The following TXK variants were observed in gnomAD, a reference collection of about 807,000 sequenced individuals.
TXK encodes TXK tyrosine kinase.
TXK carries 60 observed loss-of-function variants against 81.0 expected under a neutral mutation model. That is an observed-to-expected ratio of 0.74 (90% CI 0.60 to 0.92). TXK has a LOEUF of 0.92. Among genes scored for constraint, TXK ranks in the 40% least tolerant of loss-of-function variants. TXK has a pLI of 0.00. For missense variants in TXK, 581 were observed against 638.3 expected (o/e 0.91, Z 0.97); for synonymous variants, 203 against 210.7 (o/e 0.96, Z 0.32).
chr4:48,075,990 A>G (rs762479675), intron 12 of TXK, among the ~76,000 whole-genome samples: 10 of 152,218 alleles, frequency 6.6e-5, no homozygotes, highest in African/African-American at 1.7e-4. Context: ...TGAATTTTAG[A>G]CTTAAAGTCA....
chr4:48,088,728 A>C (rs1330909812), intron 9 of TXK, among the ~76,000 whole-genome samples: 1 of 152,210 alleles, frequency 6.6e-6, no homozygotes, highest in Admixed American at 6.5e-5. Flanking sequence ...GTAAATTGTT[A>C]ATGGTAGAAC....
intron 6 of TXK, among the ~76,000 whole-genome samples, chr4:48,099,166 G>C (rs1332446431): frequency 2.0e-5 from 3 of 151,936 alleles, no homozygotes; most frequent in African/African-American, 4.8e-5. Flanking sequence ...TAAAACATGA[G>C]AATTCACCAA....
At chr4:48,111,733 T>C (rs1050926109) in intron 4 of TXK, among the ~76,000 whole-genome samples, 2 of 152,190 alleles carry the variant, frequency 1.3e-5, no homozygotes, top group African/African-American at 4.8e-5. Context: ...ATGCCAGCCT[T>C]CTCTCTCAGG....
intron 10 of TXK, among the ~76,000 whole-genome samples, chr4:48,084,335 C>T (rs1482221382): frequency 2.0e-5 from 3 of 151,862 alleles, no homozygotes; most frequent in Admixed American, 6.6e-5. Flanking sequence ...CTCAAGTGAT[C>T]CTCCCATGTT....
chr4:48,098,398 T>C (rs1429314327), intron 6 of TXK, among the ~76,000 whole-genome samples: 2 of 152,214 alleles, frequency 1.3e-5, no homozygotes, highest in Non-Finnish European at 2.9e-5. Flanking sequence ...ATTTATCATA[T>C]TATTAGGTTT....
intron 10 of TXK, among the ~76,000 whole-genome samples, chr4:48,082,614 G>A (rs1429756696): frequency 6.6e-6 from 1 of 152,088 alleles, no homozygotes; most frequent in Admixed American, 6.6e-5. Context: ...GTTTCCCCAG[G>A]AAAGTCCTCA....
chr4:48,131,387 A>G (rs1240537169), intron 1 of TXK, among the ~76,000 whole-genome samples: 1 of 150,926 alleles, frequency 6.6e-6, no homozygotes, highest in African/African-American at 2.4e-5. Flanking sequence ...TGGTGCAGTC[A>G]CAGCTTACTG....
intron 1 of TXK, among the ~76,000 whole-genome samples, chr4:48,120,235 GTATA>G (rs1718919384): frequency 8.2e-6 from 1 of 122,248 alleles, no homozygotes; most frequent in South Asian, 2.4e-4. Context: ...ACGTATATAT[GTATA>G]TACGTATATG....
intron 14 of TXK, among the ~76,000 whole-genome samples, chr4:48,069,719 G>A (rs970747596): frequency 6.6e-6 from 1 of 152,060 alleles, no homozygotes; most frequent in Middle Eastern, 3.2e-3. Context: ...TGTTTACATG[G>A]TCCTTCTGAC....
At chr4:48,113,414 C>G in intron 2 of TXK, 105 bp from the exon 3 acceptor site, 1 of 819,402 alleles carries the variant, frequency 1.2e-6, no homozygotes, top group Non-Finnish European at 1.9e-6. Flanking sequence ...GGTCTCTTTC[C>G]AACTCCATTT....
intron 10 of TXK, among the ~76,000 whole-genome samples, chr4:48,084,887 A>C (rs1345510569): frequency 6.6e-6 from 1 of 152,084 alleles, no homozygotes; most frequent in East Asian, 1.9e-4. Flanking sequence ...GTTAATCGAG[A>C]ATGGGTCCAG....
chr4:48,123,788 TG>T (rs1719016289), intron 1 of TXK, among the ~76,000 whole-genome samples: 1 of 152,186 alleles, frequency 6.6e-6, no homozygotes, highest in Non-Finnish European at 1.5e-5. Flanking sequence ...CCTAAAAGCC[TG>T]CTTCAGCCAA....
chr4:48,112,216 T>C (rs1718654392), intron 4 of TXK, 91 bp downstream of exon 4: 3 of 1,189,252 alleles, frequency 2.5e-6, no homozygotes, highest in Non-Finnish European at 2.5e-6. Flanking sequence ...TTCCATTTCA[T>C]GCAGAGGGAA....
chr4:48,115,699 A>T (rs543770273), intron 1 of TXK, among the ~76,000 whole-genome samples: 56 of 152,064 alleles, frequency 3.7e-4, no homozygotes, highest in African/African-American at 1.1e-3. Context: ...AAAACTTTTT[A>T]AAAAAATTAG....
At chr4:48,074,708 TA>T (rs1716997406) in intron 12 of TXK, among the ~76,000 whole-genome samples, 1 of 152,100 alleles carries the variant, frequency 6.6e-6, no homozygotes, top group Admixed American at 6.5e-5. Flanking sequence ...GAGACAAAAA[TA>T]AACTTGTGCT....
At chr4:48,117,049 C>T (rs1183711478) in intron 1 of TXK, among the ~76,000 whole-genome samples, 1 of 152,130 alleles carries the variant, frequency 6.6e-6, no homozygotes, top group Non-Finnish European at 1.5e-5. Flanking sequence ...CCACACCCAG[C>T]TAATTTTTTG....
Position 48,071,544 on chromosome 4 carries a change from A to G in TXK, c.1488T>C (p.Tyr496=). ...YRPHLAPMSI[Y]EVMYSCWHEK... is the part of the protein sequence containing the mutation. ...CATGCCAGCAGCTGTACATGACTTC[A>G]TATATGGACATTGGTGCCAGGTGAG... The change falls in exon 14 of 15, where the codon TAT becomes TAC. Residue 496 remains tyrosine (Y), a synonymous_variant. Transcript: ENST00000264316. 1 of 1,614,154 alleles carries G rather than the reference A, an allele frequency of 6.2e-7. No homozygotes were observed. Among genetic ancestry groups the G allele is most frequent in the African/African-American group, 1.3e-5 (1 of 75,064 alleles).
At position 48,074,022 on chromosome 4, in the gene TXK, A is replaced by C; in HGVS notation, c.1270T>G (p.Phe424Val). Residue 424 changes from phenylalanine to valine, a missense_variant, in exon 13 of 15, where the codon TTT (phenylalanine) becomes GTT (valine). By Grantham distance (50) the Phe-to-Val change is conservative. Coordinates refer to ENST00000264316, the MANE Select transcript of TXK (RefSeq NM_003328.3). ...CACTTGATTGGGAACTTGGCTCCAA[A>C]AGAACTGACATACTCATCATCCAAA... ...YVLDDEYVSS[F>V]GAKFPIKWSP... The C allele has an allele frequency of 6.2e-7, 1 of 1,613,990 alleles. No homozygotes were observed. Among genetic ancestry groups the C allele is most frequent in the Non-Finnish European group, 8.5e-7 (1 of 1,179,892 alleles).
At position 48,071,624 on chromosome 4, in the gene TXK, T is replaced by C. The variant is rs749842598; in HGVS notation, c.1408A>G (p.Lys470Glu). 1 of 1,614,194 alleles carries C rather than the reference T, an allele frequency of 6.2e-7. No individual in the cohort carries two copies. The highest frequency in any genetic ancestry group is 1.1e-5 in the South Asian group (1 of 91,078). The part of the protein sequence containing the change: ...FTEGKMPFEN[K>E]SNLQVVEAIS... ...GCTTCCACGACTTGCAAATTTGACT[T>C]ATTTTCAAAAGGCATTTTTCCTTCT... The change falls in exon 14 of 15, where the codon AAG becomes GAG. Residue 470 changes from lysine (K) to glutamate (E), a missense_variant. Coordinates refer to ENST00000264316, the MANE Select transcript of TXK (RefSeq NM_003328.3).
Sources: gnomAD v4.1 joint callset for allele counts (sites outside exome capture counted in the v4.1 genomes callset) on GRCh38, gnomAD v4.1.1 for gene constraint, MANE v1.5 for transcripts, NCBI Gene and HGNC (gene_info 2026-07-23, HGNC 2026-07-21) for gene names.